Variants in STARD9 observed in about 807,000 individuals in gnomAD.
STARD9 encodes stAR-related lipid transfer protein 9.
A neutral mutation model predicts 399.8 loss-of-function variants in STARD9; 346 were observed. That is an observed-to-expected ratio of 0.87 (90% confidence interval 0.79 to 0.95). STARD9 has a LOEUF of 0.95. STARD9 is among the 40% of genes least tolerant of loss of function. The probability of loss-of-function intolerance (pLI) is 0.00; values close to 1 mark genes in which losing one functional copy is unlikely to be tolerated. For missense variants in STARD9, 5,832 were observed against 5,667.5 expected, an observed-to-expected ratio of 1.03 and a Z score of -0.93; for synonymous variants, 2,203 against 2,143.5, an observed-to-expected ratio of 1.03 and a Z score of -0.77.
chr15:42,687,770 T>A lies in STARD9; in HGVS notation c.6192T>A (p.Ile2064=). The change falls in exon 23 of 33, where the codon ATT becomes ATA. Residue 2064 remains isoleucine, a synonymous_variant. Coordinates refer to ENST00000290607, the MANE Select transcript of STARD9 (RefSeq NM_020759.3). ...VMQLENGILE[I]ESKQNKQVHA... is the part of the protein sequence containing the mutation. ...AGCTGGAAAATGGCATCTTAGAAAT[T>A]GAATCTAAGCAGAATAAGCAGGTTC... 1.3e-6 allele frequency: 2 copies of A among 1,537,282 alleles called. No homozygotes were observed. The highest frequency in any genetic ancestry group is 1.2e-5 in the South Asian group (1 of 84,052).
At chr15:42,628,941 A>G (rs1449215965) in intron 3 of STARD9, among the ~76,000 whole-genome samples, 1 of 151,914 alleles carries the variant, frequency 6.6e-6, no homozygotes, top group Admixed American at 6.6e-5. Flanking sequence ...AAATTTTAGG[A>G]TTGTTTTTTC....
At chr15:42,704,810 T>G (rs1448340963) in intron 26 of STARD9, among the ~76,000 whole-genome samples, 1 of 152,216 alleles carries the variant, frequency 6.6e-6, no homozygotes, top group Non-Finnish European at 1.5e-5. Flanking sequence ...TGTCTTTCTC[T>G]GTACCATGTT....
At chr15:42,658,724 C>T (rs1256039979) in intron 9 of STARD9, among the ~76,000 whole-genome samples, 1 of 151,188 alleles carries the variant, frequency 6.6e-6, no homozygotes, top group Non-Finnish European at 1.5e-5. Context: ...CTCAAGCAAT[C>T]CAGTTTGCCT....
intron 2 of STARD9, 66 bp downstream of exon 2, chr15:42,583,481 G>A (rs991081049): frequency 2.5e-6 from 3 of 1,179,802 alleles, no homozygotes; most frequent in African/African-American, 1.5e-5. Flanking sequence ...GGGGCTTCCA[G>A]GCTGAAGGTG....
chr15:42,711,544 C>A (rs1029222272), intron 26 of STARD9, among the ~76,000 whole-genome samples: 2 of 152,158 alleles, frequency 1.3e-5, no homozygotes, highest in African/African-American at 4.8e-5. Flanking sequence ...ACCTTATTTT[C>A]AAATTAGGTC....
At chr15:42,632,088 T>A (rs2059343363) in intron 3 of STARD9, among the ~76,000 whole-genome samples, 1 of 152,350 alleles carries the variant, frequency 6.6e-6, no homozygotes, top group African/African-American at 2.4e-5. Context: ...TCTTTAGCTC[T>A]AATAATATTT....
At position 42,718,333 on chromosome 15, in the gene STARD9, G is replaced by C. The variant is rs1286586784; in HGVS notation, c.13763-102G>C. 4 of 1,230,176 alleles carry C rather than the reference G, an allele frequency of 3.3e-6. No homozygotes were observed. The Admixed American group carries it at 8.0e-5, about 25-fold the overall frequency. The allele number at this position is 1,230,176 out of a possible 1,614,324, so 76.2% of individuals were successfully genotyped here. The stretch of plus-strand genomic sequence containing the variant: ...TTGCTCAGCCTAGGTTGAGCTAGGT[G>C]TCAAGTGATGGGGTGTTGGGGGGAG... On this transcript the variant is annotated intron_variant, in intron 30 of 32. Transcript: ENST00000290607.
At chr15:42,711,953 C>A (rs1318605220) in intron 26 of STARD9, among the ~76,000 whole-genome samples, 1 of 144,012 alleles carries the variant, frequency 6.9e-6, no homozygotes. Flanking sequence ...CCGTCCTCAC[C>A]AACAGTTGCT....
chr15:42,585,663 C>T, intron 3 of STARD9, 26 bp downstream of exon 3: 1 of 1,367,476 alleles, frequency 7.3e-7, no homozygotes, highest in Non-Finnish European at 1.0e-6. Flanking sequence ...ATTTTTCTTT[C>T]ACCTCAGTTC....
At position 42,665,768 on chromosome 15, in the gene STARD9, A is replaced by G. The variant is rs995800415; in HGVS notation, c.1255-18A>G. On this transcript the variant is annotated intron_variant, in intron 14 of 32. Transcript: ENST00000290607. ...TCAGACCAGGAAAATATCAAAGCACATCTCTATCTTTGTGCAGAGAAACTT... is the reference window on the plus strand; with the variant it reads ...TCAGACCAGGAAAATATCAAAGCACGTCTCTATCTTTGTGCAGAGAAACTT... 6.5e-7 allele frequency: 1 copy of G among 1,536,446 alleles called. No individual in the cohort carries two copies. The highest frequency in any genetic ancestry group is 8.7e-7 in the Non-Finnish European group (1 of 1,146,248).
At chr15:42,716,283 A>G (rs2061347982) in intron 26 of STARD9, among the ~76,000 whole-genome samples, 1 of 152,036 alleles carries the variant, frequency 6.6e-6, no homozygotes, top group South Asian at 2.1e-4. Context: ...CCCATCTTCC[A>G]CATTTATTAC....
At chr15:42,650,768 A>G (rs1354088686) in intron 7 of STARD9, among the ~76,000 whole-genome samples, 1 of 152,222 alleles carries the variant, frequency 6.6e-6, no homozygotes, top group African/African-American at 2.4e-5. Flanking sequence ...CATATGGTCT[A>G]TATGACTTAT....
rs546477423 is a variant in STARD9, at chr15:42,688,858, G to A, written c.7280G>A (p.Ser2427Asn). 6 of 1,537,200 alleles carry A rather than the reference G, an allele frequency of 3.9e-6. No individual in the cohort carries two copies. Among genetic ancestry groups the A allele is most frequent in the South Asian group, 3.6e-5 (3 of 84,060 alleles). Residue 2427 changes from serine (S) to asparagine (N), a missense_variant, in exon 23 of 33, where the codon AGC becomes AAC. Ser to Asn is a conservative substitution (Grantham distance 46, BLOSUM62 1). Coordinates refer to ENST00000290607, the MANE Select transcript of STARD9 (RefSeq NM_020759.3). ...GSHSQSGVPE[S>N]IPLGTEDRIS... is the part of the protein sequence containing the mutation. ...CATAGTCAATCTGGTGTACCAGAGA[G>A]CATTCCTCTGGGGACAGAGGACAGG...
chr15:42,715,708 C>CA (rs2061337160), intron 26 of STARD9, among the ~76,000 whole-genome samples: 1 of 152,076 alleles, frequency 6.6e-6, no homozygotes, highest in East Asian at 1.9e-4. Context: ...GGGGTTTCAC[C>CA]ATGTTGGTCA....
At chr15:42,583,535 G>C (rs1393192537) in intron 2 of STARD9, 120 bp downstream of exon 2, 6 of 649,760 alleles carry the variant, frequency 9.2e-6, no homozygotes, top group Non-Finnish European at 1.6e-5. Flanking sequence ...GGGTATATAA[G>C]AGGAATAGGG....
Position 42,684,734 on chromosome 15 carries a change from C to A in STARD9, c.3156C>A (p.Val1052=). 1 of 1,537,118 alleles carries A rather than the reference C, an allele frequency of 6.5e-7. No individual in the cohort carries two copies. The highest frequency in any genetic ancestry group is 1.2e-5 in the South Asian group (1 of 84,004). ...ATCAGAGGGTTCTGGCAACTAGGGTCAGAAATATTACCAAAAAGTCCTCTC... is the reference window on the plus strand; with the variant it reads ...ATCAGAGGGTTCTGGCAACTAGGGTAAGAAATATTACCAAAAAGTCCTCTC... The part of the protein sequence containing the change: ...KRHQRVLATR[V]RNITKKSSHL... The change falls in exon 23 of 33, where the codon GTC becomes GTA. Residue 1052 remains valine, a synonymous_variant. Transcript: ENST00000290607.
rs2060620604 is a variant in STARD9 at position 42,688,758 on chromosome 15, G to A, written c.7180G>A (p.Gly2394Arg). 1.3e-6 allele frequency: 2 copies of A among 1,537,618 alleles called. No individual in the cohort carries two copies. The highest frequency in any genetic ancestry group is 1.7e-6 in the Non-Finnish European group (2 of 1,147,028). ...GGAGACCAGAAGCCACAGCCCCGAA[G>A]GAAATGTTAGAGGGCGTTCCTCTGA... ...STETRSHSPE[G>R]NVRGRSSEAH... Residue 2394 changes from glycine (G) to arginine (R), a missense_variant, in exon 23 of 33, where the codon GGA becomes AGA. Physicochemically the swap from Gly to Arg is moderately radical, Grantham distance 125. This residue lies in a region of STARD9 where 5,828 missense variants were observed against 5,651.1 expected (regional missense o/e 1.03). Coordinates refer to ENST00000290607, the MANE Select transcript of STARD9 (RefSeq NM_020759.3).
chr15:42,719,758 C>T lies in STARD9; in HGVS notation c.*184C>T. ...GCAAAGCCCAGTCAGTACTTGGTCA[C>T]AGCTGGCACCAGTGCAGAGCAAACG... On this transcript the variant is annotated 3_prime_UTR_variant, in exon 33 of 33. Coordinates refer to ENST00000290607, the MANE Select transcript of STARD9 (RefSeq NM_020759.3). 1.7e-6 allele frequency: 1 copy of T among 585,100 alleles called. No individual in the cohort carries two copies. Among genetic ancestry groups the T allele is most frequent in the Non-Finnish European group, 3.0e-6 (1 of 327,942 alleles). 36.2% of individuals were successfully genotyped at this position (585,100 alleles called of 1,614,324 possible).
At chr15:42,614,776 C>G (rs1323445046) in intron 3 of STARD9, among the ~76,000 whole-genome samples, 1 of 151,986 alleles carries the variant, frequency 6.6e-6, no homozygotes, top group Non-Finnish European at 1.5e-5. Context: ...ACCAGCCTGG[C>G]CAGCGTGGTG....
Sources: allele counts gnomAD v4.1 joint callset (sites outside exome capture counted in the v4.1 genomes callset), GRCh38; gene constraint gnomAD v4.1.1; regional missense constraint gnomAD v4.1.1; transcripts MANE v1.5; gene names NCBI Gene and HGNC (gene_info 2026-07-23, HGNC 2026-07-21).